Variants in BCL2L12 observed in about 807,000 individuals in gnomAD.
BCL2L12 encodes the protein BCL2 like 12, also known as bcl-2-like protein 12.
Under a neutral mutation model 25.7 loss-of-function variants are expected in BCL2L12, and 27 were observed. The observed-to-expected ratio is 1.05, with a 90% CI of 0.78 to 1.45. The LOEUF is 1.45. Among genes scored for constraint, BCL2L12 ranks in the 40% most tolerant of loss-of-function variants. BCL2L12 has a pLI of 0.00. For synonymous variants in BCL2L12, 132 were observed against 145.6 expected, an observed-to-expected ratio of 0.91 and a Z score of 0.67; for missense variants, 302 against 329.8, an observed-to-expected ratio of 0.92 and a Z score of 0.65.
At chr19:49,670,882 G>A (rs572349511) in intron 6 of BCL2L12, among the ~76,000 whole-genome samples, 2 of 152,122 alleles carry the variant, frequency 1.3e-5, no homozygotes, top group Admixed American at 6.5e-5. Context: ...AGCCAGGGTC[G>A]GGTGCGGTGG....
chr19:49,667,229 T>G (rs1458017141), intron 3 of BCL2L12, 68 bp downstream of exon 3: 1 of 1,576,874 alleles, frequency 6.3e-7, no homozygotes, highest in Non-Finnish European at 8.7e-7. Flanking sequence ...TTAAGATCAC[T>G]CAGCTAGGGG....
intron 5 of BCL2L12, 87 bp downstream of exon 5, chr19:49,669,202 T>C (rs1041957552): frequency 1.5e-5 from 24 of 1,548,652 alleles, no homozygotes; most frequent in Admixed American, 1.9e-5. Context: ...CTGTATTTTC[T>C]TTGGATGGTC....
In BCL2L12 at chr19:49,666,995, A is replaced by G. The variant is rs763020794; in HGVS notation, c.108-24A>G. On this transcript the variant is annotated intron_variant, in intron 2 of 6. Transcript: ENST00000246784. ...CTTGCAGGGGATCTCTGGTGGGGTC[A>G]GTCTCTGAAGTCCTCCTCTCCAGAA... is the stretch of plus-strand genomic sequence containing the variant. 5 of 1,610,828 alleles carry G rather than the reference A, an allele frequency of 3.1e-6. No homozygotes were observed. The South Asian group carries it at 3.3e-5, about 11-fold the overall frequency.
intron 6 of BCL2L12, 66 bp downstream of exon 6, chr19:49,670,554 C>T: frequency 6.6e-7 from 1 of 1,505,116 alleles, no homozygotes; most frequent in Admixed American, 2.5e-5. Context: ...AGAGGAGGGG[C>T]GGGGACTTCT....
chr19:49,666,093 G>T (rs769209148), intron 1 of BCL2L12, 26 bp downstream of exon 1: 112 of 1,533,534 alleles, frequency 7.3e-5, no homozygotes, highest in Non-Finnish European at 9.7e-5. Context: ...ACGAGGGGTG[G>T]GGTGAGGAGG....
chr19:49,668,859 A>G lies in BCL2L12; in HGVS notation c.259A>G (p.Thr87Ala), dbSNP rs2081887140. 6.2e-7 allele frequency: 1 copy of G among 1,612,416 alleles called. No homozygotes were observed. Residue 87 changes from threonine to alanine, a missense_variant, in exon 4 of 7, where the codon ACT (threonine) becomes GCT (alanine). Thr to Ala is a moderately conservative substitution (Grantham distance 58). Transcript: ENST00000246784. ...AACTCTTTTCACCCCAGGCCCAGCT[A>G]CTCCAGACTTCTATGCTTTGGTGGC... is the stretch of plus-strand genomic sequence containing the variant. ...PCYGLEPGPA[T>A]PDFYALVAQR...
chr19:49,666,258 G>C (rs1478925116), intron 1 of BCL2L12, among the ~76,000 whole-genome samples, 191 bp downstream of exon 1: 1 of 152,258 alleles, frequency 6.6e-6, no homozygotes, highest in Non-Finnish European at 1.5e-5. Flanking sequence ...CCTAGGGGAA[G>C]ATTTGCCCTG....
chr19:49,672,628 C>T lies in BCL2L12; in HGVS notation c.703-1070C>T, dbSNP rs549320066. Among the ~76,000 whole-genome samples, 14 of 152,044 alleles carry T rather than the reference C, an allele frequency of 9.2e-5. No individual in the cohort carries two copies. The East Asian group carries it at 2.5e-3, about 27-fold the overall frequency. ...GTGGAGAATGCTGGATTTAACTTAGCGGTGAAGCTGACAGATTTGGCTAAT... is the reference window on the plus strand; with the variant it reads ...GTGGAGAATGCTGGATTTAACTTAGTGGTGAAGCTGACAGATTTGGCTAAT... On this transcript the variant is annotated intron_variant, in intron 6 of 6. Transcript: ENST00000246784. The surrounding 1 kb of genome is among the most constrained non-coding windows in gnomAD (Gnocchi z 4.1).
Position 49,672,881 on chromosome 19 carries a change from T to C in BCL2L12, c.703-817T>C, listed in dbSNP as rs1047268202. 3.3e-5 allele frequency among the ~76,000 whole-genome samples: 5 copies of C among 152,200 alleles called. No individual in the cohort carries two copies. Among genetic ancestry groups the C allele is most frequent in the Non-Finnish European group, 7.3e-5 (5 of 68,042 alleles). On this transcript the variant is annotated intron_variant, in intron 6 of 6. Coordinates refer to ENST00000246784, the MANE Select transcript of BCL2L12 (RefSeq NM_138639.2). The surrounding 1 kb of genome is among the most constrained non-coding windows in gnomAD (Gnocchi z 4.1). ...GCTCGTTTATTTTATTTTATTTTAA[T>C]TTTTCAGATGGAGTCTCACTCTATT...
At chr19:49,668,986 A>C in intron 4 of BCL2L12, 38 bp from the exon 5 acceptor site, 8 of 1,613,924 alleles carry the variant, frequency 5.0e-6, no homozygotes, top group Non-Finnish European at 6.8e-6. Context: ...GAGGATAGTC[A>C]GGGTTCTGCC....
At chr19:49,671,085 C>G (rs533716207) in intron 6 of BCL2L12, among the ~76,000 whole-genome samples, 1 of 152,282 alleles carries the variant, frequency 6.6e-6, no homozygotes, top group African/African-American at 2.4e-5. Context: ...TCGCTTGAAC[C>G]TGGGAGGCAG....
chr19:49,670,470 C>A lies in BCL2L12; in HGVS notation c.684C>A (p.Ile228=). The change falls in exon 6 of 7, where the codon ATC becomes ATA. Residue 228 remains isoleucine (I), a synonymous_variant. Transcript: ENST00000246784. ...ACGTGCACAGCTTCACGCCCTGGAT[C>A]CAGGCCCACGGGGGCTGGGTGAGCC... is the stretch of plus-strand genomic sequence containing the variant. ...VEHVHSFTPW[I]QAHGGWEGIL... 6.5e-7 allele frequency: 1 copy of A among 1,536,354 alleles called. No individual in the cohort carries two copies. Among genetic ancestry groups the A allele is most frequent in the Non-Finnish European group, 8.7e-7 (1 of 1,144,212 alleles).
chr19:49,670,240 A>C lies in BCL2L12; in HGVS notation c.454A>C (p.Ser152Arg). Reference sequence around the variant, plus strand: ...GCTGGCCTCGGACCCCGCCCTGCGCAGCAAGCTGGTCCGCCTGTCCTCCGA... The same window carrying C: ...GCTGGCCTCGGACCCCGCCCTGCGCCGCAAGCTGGTCCGCCTGTCCTCCGA... ...QKLASDPALR[S>R]KLVRLSSDSF... Residue 152 changes from serine (S) to arginine (R), a missense_variant, in exon 6 of 7, where the codon AGC (serine) becomes CGC (arginine). Ser to Arg is a moderately radical substitution (Grantham distance 110). Coordinates refer to ENST00000246784, the MANE Select transcript of BCL2L12 (RefSeq NM_138639.2). 2 of 1,608,416 alleles carry C rather than the reference A, an allele frequency of 1.2e-6. No homozygotes were observed. The highest frequency in any genetic ancestry group is 1.1e-5 in the South Asian group (1 of 90,996).
chr19:49,669,258 G>A (rs901658953), intron 5 of BCL2L12, 143 bp downstream of exon 5: 20 of 1,440,870 alleles, frequency 1.4e-5, no homozygotes, highest in Admixed American at 2.4e-5. Flanking sequence ...GGTTGAGGCC[G>A]GGTGTGGTGG....
chr19:49,673,747 GAGCTCTTTCTCAGA>G lies in BCL2L12; in HGVS notation c.*4_*17del. ...GTGGACTTGAACTTGCCATTGGACT[GAGCTCTTTCTCAGA>G]AGCTGCTACAAGATGACACCTCATG... On this transcript the variant is annotated stop_retained_variant and 3_prime_UTR_variant, in exon 7 of 7. Coordinates refer to ENST00000246784, the MANE Select transcript of BCL2L12 (RefSeq NM_138639.2). 1 of 1,614,156 alleles carries G rather than the reference GAGCTCTTTCTCAGA, an allele frequency of 6.2e-7. No individual in the cohort carries two copies. The highest frequency in any genetic ancestry group is 1.6e-4 in the Middle Eastern group (1 of 6,062).
At chr19:49,665,899 C>T, upstream of BCL2L12, 2 of 1,613,050 alleles carry the variant, frequency 1.2e-6, no homozygotes, top group Non-Finnish European at 1.7e-6. Context: ...CTGGGAGCGT[C>T]ACATGCAAAT....
intron 5 of BCL2L12, among the ~76,000 whole-genome samples, chr19:49,669,468 G>A (rs1020623525): frequency 1.3e-4 from 19 of 151,762 alleles, no homozygotes; most frequent in Non-Finnish European, 1.8e-4. Context: ...CCCAGGAGGT[G>A]GAGGTTGCAG....
At chr19:49,666,824 C>T (rs2081793630) in intron 2 of BCL2L12, 25 bp downstream of exon 2, 7 of 1,542,620 alleles carry the variant, frequency 4.5e-6, no homozygotes, top group Non-Finnish European at 6.1e-6. Context: ...CCTTCTCCCC[C>T]AGGGGCCAGC....
In BCL2L12 at chr19:49,670,212, A is replaced by G. The variant is rs1351637559; in HGVS notation, c.430-4A>G. 17 of 1,602,498 alleles carry G rather than the reference A, an allele frequency of 1.1e-5. No individual in the cohort carries two copies. Among genetic ancestry groups the G allele is most frequent in the Admixed American group, 1.7e-5 (1 of 59,640 alleles). On this transcript the variant is annotated splice_region_variant and splice_polypyrimidine_tract_variant and intron_variant, in intron 5 of 6. Transcript: ENST00000246784. ...ACGCGGACCCTGCCTCTTCCACCCTACAGCTGGCCTCGGACCCCGCCCTGC... is the reference window on the plus strand; with the variant it reads ...ACGCGGACCCTGCCTCTTCCACCCTGCAGCTGGCCTCGGACCCCGCCCTGC...
Sources: allele counts gnomAD v4.1 joint callset (sites outside exome capture counted in the v4.1 genomes callset), GRCh38; gene constraint gnomAD v4.1.1; non-coding constraint Gnocchi (gnomAD v3.1); transcripts MANE v1.5; gene names NCBI Gene and HGNC (gene_info 2026-07-23, HGNC 2026-07-21).